Variants in CNTNAP5 observed in about 807,000 individuals in gnomAD.
CNTNAP5 encodes contactin associated protein family member 5.
CNTNAP5 carries 72 observed loss-of-function variants against 150.2 expected under a neutral mutation model. The ratio of observed to expected loss-of-function variants is 0.48; its 90% CI spans 0.40 to 0.58. The LOEUF is 0.58. Among genes scored for constraint, CNTNAP5 ranks in the 20% least tolerant of loss-of-function variants. CNTNAP5 has a pLI of 0.00. For synonymous variants in CNTNAP5, 672 were observed against 619.8 expected (o/e 1.08, Z -1.25); for missense variants, 1,636 against 1,626.2 (o/e 1.01, Z -0.10).
intron 1 of CNTNAP5, among the ~76,000 whole-genome samples, chr2:124,033,197 T>TG (rs1258417002): frequency 6.6e-6 from 1 of 152,190 alleles, no homozygotes; most frequent in Non-Finnish European, 1.5e-5. Context: ...GCTGAATTGA[T>TG]AGAGTTTTAA....
chr2:124,553,187 G>A (rs776503182), intron 10 of CNTNAP5, among the ~76,000 whole-genome samples: 1 of 152,184 alleles, frequency 6.6e-6, no homozygotes, highest in Non-Finnish European at 1.5e-5. Flanking sequence ...GGCAAAGGCT[G>A]TAAAGGGACA....
intron 13 of CNTNAP5, among the ~76,000 whole-genome samples, chr2:124,722,168 A>T (rs909958097): frequency 6.6e-6 from 1 of 152,110 alleles, no homozygotes; most frequent in African/African-American, 2.4e-5. Flanking sequence ...TCAGTTCATA[A>T]CATTCTGCTC....
At chr2:124,279,220 AG>A (rs1687957351) in intron 3 of CNTNAP5, among the ~76,000 whole-genome samples, 1 of 142,014 alleles carries the variant, frequency 7.0e-6, no homozygotes, top group Non-Finnish European at 1.5e-5. Flanking sequence ...TTAAAACTGT[AG>A]GAAGTGTGTG....
intron 13 of CNTNAP5, among the ~76,000 whole-genome samples, chr2:124,727,120 A>G (rs921937033): frequency 2.6e-5 from 4 of 151,698 alleles, no homozygotes; most frequent in African/African-American, 9.7e-5. Flanking sequence ...TGTCCTTTGT[A>G]CTCTTGCCAA....
intron 10 of CNTNAP5, among the ~76,000 whole-genome samples, chr2:124,559,501 C>T (rs1026488712): frequency 6.6e-6 from 1 of 152,188 alleles, no homozygotes; most frequent in Admixed American, 6.5e-5. Flanking sequence ...GAGGTCACAT[C>T]CATCCAGATG....
intron 13 of CNTNAP5, among the ~76,000 whole-genome samples, chr2:124,725,168 T>A (rs190055355): frequency 3.5e-4 from 54 of 152,198 alleles, no homozygotes; most frequent in African/African-American, 1.2e-3. Flanking sequence ...GTAAGAAATG[T>A]GTGATGATGA....
intron 2 of CNTNAP5, among the ~76,000 whole-genome samples, chr2:124,229,895 G>GT (rs148253341): frequency 0.18 from 27,418 of 149,598 alleles, 2,666 homozygotes; most frequent in Non-Finnish European, 0.23. Context: ...TCTATTGCAT[G>GT]TTTTTTTTTT....
intron 19 of CNTNAP5, among the ~76,000 whole-genome samples, chr2:124,841,149 A>G (rs1558796536): frequency 1.3e-5 from 2 of 152,006 alleles, no homozygotes; most frequent in African/African-American, 2.4e-5. Flanking sequence ...TGGAAAATGT[A>G]TCTAAGCCAC....
chr2:124,452,255 G>A (rs1693000975), intron 6 of CNTNAP5, among the ~76,000 whole-genome samples: 1 of 152,028 alleles, frequency 6.6e-6, no homozygotes, highest in South Asian at 2.1e-4. Flanking sequence ...GCTGGGTGAG[G>A]CCTGTGACTG....
In CNTNAP5 at chr2:124,724,144, AAAT is replaced by A. The variant is rs60984074; in HGVS notation, c.2078-23054_2078-23052del. On this transcript the variant is annotated intron_variant, in intron 13 of 23. Coordinates refer to ENST00000682447, the MANE Select transcript of CNTNAP5 (RefSeq NM_001367498.1). ...TGGTGACAGAGGGAGACTCCATCTC[AAAT>A]AATAATAATAATAATAATAATAATA... is the stretch of plus-strand genomic sequence containing the variant. 2.2e-3 allele frequency among the ~76,000 whole-genome samples: 319 copies of A among 145,698 alleles called. 2 individuals are homozygous for A. Among genetic ancestry groups the A allele is most frequent in the Admixed American group, 0.012 (178 of 14,400 alleles).
chr2:124,068,646 C>T (rs758687214), intron 1 of CNTNAP5, among the ~76,000 whole-genome samples: 16 of 151,800 alleles, frequency 1.1e-4, no homozygotes, highest in Non-Finnish European at 1.5e-4. Context: ...AGTGCTTGCA[C>T]CACCCCTCCT....
At chr2:124,841,771 G>T (rs1452458658) in intron 19 of CNTNAP5, among the ~76,000 whole-genome samples, 1 of 152,116 alleles carries the variant, frequency 6.6e-6, no homozygotes, top group Non-Finnish European at 1.5e-5. Flanking sequence ...TGGAAGGTTT[G>T]CTTCCCAGCT....
At chr2:124,677,484 T>C (rs921098749) in intron 13 of CNTNAP5, among the ~76,000 whole-genome samples, 4 of 152,214 alleles carry the variant, frequency 2.6e-5, no homozygotes, top group Non-Finnish European at 4.4e-5. Context: ...CCCGCCCACA[T>C]CCTGCTGATT....
At chr2:124,390,663 G>A (rs1691087732) in intron 3 of CNTNAP5, among the ~76,000 whole-genome samples, 1 of 152,174 alleles carries the variant, frequency 6.6e-6, no homozygotes, top group Non-Finnish European at 1.5e-5. Flanking sequence ...AACAGAAAAT[G>A]CCCATTTAGC....
At chr2:124,723,014 C>T (rs569933408) in intron 13 of CNTNAP5, among the ~76,000 whole-genome samples, 8 of 152,282 alleles carry the variant, frequency 5.3e-5, no homozygotes, top group African/African-American at 1.7e-4. Flanking sequence ...CATCTATAAT[C>T]TCTTTACCAA....
chr2:124,646,515 T>A (rs1333262773), intron 12 of CNTNAP5, among the ~76,000 whole-genome samples: 2 of 152,240 alleles, frequency 1.3e-5, no homozygotes, highest in Non-Finnish European at 2.9e-5. Flanking sequence ...TCAGAATTTA[T>A]GAAGAGTAAT....
At chr2:124,303,834 C>T (rs1311458019) in intron 3 of CNTNAP5, among the ~76,000 whole-genome samples, 2 of 152,038 alleles carry the variant, frequency 1.3e-5, no homozygotes, top group Non-Finnish European at 2.9e-5. Context: ...GAGTTCAAGA[C>T]CAGCCTAAGC....
intron 3 of CNTNAP5, among the ~76,000 whole-genome samples, chr2:124,340,284 T>C (rs972146799): frequency 6.6e-6 from 1 of 152,206 alleles, no homozygotes; most frequent in Admixed American, 6.5e-5. Flanking sequence ...CTCTATCAGA[T>C]TTCTCTTACT....
At chr2:124,715,426 C>G (rs571929243) in intron 13 of CNTNAP5, among the ~76,000 whole-genome samples, 2 of 152,022 alleles carry the variant, frequency 1.3e-5, no homozygotes, top group Non-Finnish European at 2.9e-5. Flanking sequence ...TGTCATCCCC[C>G]CAAAGCTAAA....
Sources: allele counts gnomAD v4.1 joint callset (sites outside exome capture counted in the v4.1 genomes callset), GRCh38; gene constraint gnomAD v4.1.1; transcripts MANE v1.5; gene names NCBI Gene and HGNC (gene_info 2026-07-23, HGNC 2026-07-21).